The following CYP4F3 variants were observed in gnomAD, a reference collection of about 807,000 sequenced individuals.
The protein encoded by CYP4F3 is cytochrome P450 4F3.
CYP4F3 carries 50 observed loss-of-function variants against 54.8 expected under a neutral mutation model. That is an observed-to-expected ratio of 0.91 (90% CI 0.73 to 1.16). The LOEUF is 1.16. Ranked by LOEUF, CYP4F3 falls within the 50% of genes most tolerant of loss-of-function variation. The probability of loss-of-function intolerance (pLI) is 0.00; values close to 1 mark genes in which losing one functional copy is unlikely to be tolerated. For synonymous variants in CYP4F3, 244 were observed against 262.6 expected, an observed-to-expected ratio of 0.93 and a Z score of 0.69; for missense variants, 715 against 676.2, an observed-to-expected ratio of 1.06 and a Z score of -0.64.
chr19:15,646,980 G>C (rs1357530616), intron 3 of CYP4F3, 72 bp from the exon 4 acceptor site: 4 of 1,595,998 alleles, frequency 2.5e-6, no homozygotes, highest in Non-Finnish European at 3.4e-6. Flanking sequence ...CTCTTGCTGG[G>C]AGCCTCCCCC....
At position 15,650,029 on chromosome 19, in the gene CYP4F3, G is replaced by C. The variant is rs146695585; in HGVS notation, c.764G>C (p.Arg255Pro). The change falls in exon 7 of 13, where the codon CGT becomes CCT. Residue 255 changes from arginine (R) to proline (P), a missense_variant. Coordinates refer to ENST00000221307, the MANE Select transcript of CYP4F3 (RefSeq NM_000896.3). ...TATTATCTCACCCCTGATGGGCAGC[G>C]TTTCCGCAGGGCCTGCCGCCTGGTG... ...FLYYLTPDGQ[R>P]FRRACRLVHD... 6.2e-7 allele frequency: 1 copy of C among 1,614,188 alleles called. No individual in the cohort carries two copies. The highest frequency in any genetic ancestry group is 1.3e-5 in the African/African-American group (1 of 75,034).
At chr19:15,645,957 C>T in intron 3 of CYP4F3, 94 bp downstream of exon 3, 2 of 1,437,686 alleles carry the variant, frequency 1.4e-6, no homozygotes, top group African/African-American at 1.4e-5. Context: ...GGGTCGCGTG[C>T]CCATGTGCAG....
In CYP4F3 at chr19:15,653,585, G is replaced by A. The variant is rs114995138; in HGVS notation, c.1115+633G>A. ...CCCAGCCCACGTGGGCAGGGATGGG[G>A]TTTACAGTAAGGGAAGCAGGACTAG... On this transcript the variant is annotated intron_variant, in intron 9 of 12. Coordinates refer to ENST00000221307, the MANE Select transcript of CYP4F3 (RefSeq NM_000896.3). 4.6e-3 allele frequency among the ~76,000 whole-genome samples: 703 copies of A among 152,206 alleles called. 6 individuals are homozygous for A. The highest frequency in any genetic ancestry group is 0.016 in the African/African-American group (673 of 41,538).
Position 15,660,725 on chromosome 19 carries a change from T to TTA in CYP4F3, c.*1341_*1342insAT, listed in dbSNP as rs1238424267. On this transcript the variant is annotated 3_prime_UTR_variant, in exon 13 of 13. Coordinates refer to ENST00000221307, the MANE Select transcript of CYP4F3 (RefSeq NM_000896.3). The stretch of plus-strand genomic sequence containing the variant: ...ACTTTGACAGGGGTGCCTAATTTTT[T>TTA]TTTTTTTTTGAGATGGAGTCTCGCT... 6.6e-6 allele frequency: 1 copy of TTA among 151,974 alleles called. No homozygotes were observed. Among genetic ancestry groups the TTA allele is most frequent in the East Asian group, 1.9e-4 (1 of 5,180 alleles). 9.4% of individuals were successfully genotyped at this position (151,974 alleles called of 1,614,324 possible).
intron 9 of CYP4F3, among the ~76,000 whole-genome samples, chr19:15,657,520 C>T (rs1289977453): frequency 6.6e-6 from 1 of 152,178 alleles, no homozygotes; most frequent in East Asian, 1.9e-4. Context: ...AACTCCTAAC[C>T]TCAGGTGATC....
At chr19:15,652,467 G>C (rs894140945) in intron 7 of CYP4F3, 102 bp from the exon 8 acceptor site, 1 of 1,550,588 alleles carries the variant, frequency 6.4e-7, no homozygotes, top group Non-Finnish European at 8.8e-7. Flanking sequence ...TCTCGAAAGA[G>C]GATGAATCTT....
intron 2 of CYP4F3, 89 bp downstream of exon 2, chr19:15,641,702 C>A: frequency 3.7e-6 from 2 of 538,114 alleles, no homozygotes; most frequent in Middle Eastern, 3.2e-4. Flanking sequence ...AGGGGGTGGG[C>A]TGGGGTCTGG....
intron 7 of CYP4F3, among the ~76,000 whole-genome samples, chr19:15,650,866 C>CTTG (rs1972829892): frequency 2.1e-5 from 1 of 47,076 alleles, no homozygotes; most frequent in African/African-American, 8.3e-5. Context: ...TTCTTTCTTT[C>CTTG]TTTTTCTCTC....
Position 15,662,288 on chromosome 19 carries a change from A to AAAAAAAAAAAC in CYP4F3, c.*2907_*2908insAAAAAACAAAA. The stretch of plus-strand genomic sequence containing the variant: ...TCTCTCTCTCAAAAAAAAAAAAAAA[A>AAAAAAAAAAAC]AAAAGGAAAGAAAGAAAGAAAAGAA... On this transcript the variant is annotated 3_prime_UTR_variant, in exon 13 of 13. Transcript: ENST00000221307. The AAAAAAAAAAAC allele has an allele frequency of 6.7e-6, 1 of 149,378 alleles. No individual in the cohort carries two copies. Among genetic ancestry groups the AAAAAAAAAAAC allele is most frequent in the East Asian group, 1.9e-4 (1 of 5,184 alleles). The allele number at this position is 149,378 out of a possible 1,614,324, so 9.3% of individuals were successfully genotyped here.
rs552523828 is a variant in CYP4F3, at chr19:15,662,715, C to T, written c.*3330C>T. 1 of 152,228 alleles carries T rather than the reference C, an allele frequency of 6.6e-6. No individual in the cohort carries two copies. The highest frequency in any genetic ancestry group is 2.4e-5 in the African/African-American group (1 of 41,526). 9.4% of individuals were successfully genotyped at this position (152,228 alleles called of 1,614,324 possible). A position where few individuals can be genotyped will look rare whatever the true frequency, so the allele number is the denominator to read the frequency against. On this transcript the variant is annotated 3_prime_UTR_variant, in exon 13 of 13. Transcript: ENST00000221307. ...ATTTGTTTTCTTGAATTTCTTTTAT[C>T]ATTGTTTTGTAGTTTTCACCATGAC...
chr19:15,652,017 A>C (rs1222985327), intron 7 of CYP4F3, among the ~76,000 whole-genome samples: 1 of 152,062 alleles, frequency 6.6e-6, no homozygotes, highest in Non-Finnish European at 1.5e-5. Flanking sequence ...TTTGTACCCT[A>C]GGAAAGGCAC....
At chr19:15,657,795 T>C (rs1007252642) in intron 9 of CYP4F3, among the ~76,000 whole-genome samples, 94 of 152,330 alleles carry the variant, frequency 6.2e-4, no homozygotes, top group Middle Eastern at 3.4e-3. Flanking sequence ...ACTGGTATTC[T>C]TATTATTTTT....
intron 3 of CYP4F3, among the ~76,000 whole-genome samples, chr19:15,646,333 G>A (rs1972624111): frequency 6.6e-6 from 1 of 152,126 alleles, no homozygotes; most frequent in African/African-American, 2.4e-5. Context: ...GGCCATGTTT[G>A]GGGGTTGTGT....
At chr19:15,643,290 T>C (rs1972519971) in intron 2 of CYP4F3, among the ~76,000 whole-genome samples, 1 of 151,702 alleles carries the variant, frequency 6.6e-6, no homozygotes, top group African/African-American at 2.4e-5. Flanking sequence ...GATAGATACA[T>C]AGAAACATAG....
chr19:15,658,562 G>GC lies in CYP4F3; in HGVS notation c.1314+13dup, dbSNP rs765067863. ...CGTGTGGCCGGACCCTGAGGTGCGG[G>GC]CCCCCCGTCTCTGTTTTTGTCCATT... On this transcript the variant is annotated splice_region_variant and intron_variant, in intron 11 of 12. Transcript: ENST00000221307. 9 of 1,613,946 alleles carry GC rather than the reference G, an allele frequency of 5.6e-6. No individual in the cohort carries two copies. The highest frequency in any genetic ancestry group is 2.2e-5 in the East Asian group (1 of 44,854).
chr19:15,647,255 G>C lies in CYP4F3; in HGVS notation c.456G>C (p.Thr152=), dbSNP rs138865516. 25 of 1,614,198 alleles carry C rather than the reference G, an allele frequency of 1.5e-5. No homozygotes were observed. In the South Asian group the frequency reaches 2.7e-4, roughly 18 times the overall value. ...EKWSRHRRML[T]PAFHFNILKP... is the part of the protein sequence containing the mutation. ...GGAGCCGCCACCGTCGGATGCTGACGCCTGCCTTCCATTTCAACATCCTGA... is the reference window on the plus strand; with the variant it reads ...GGAGCCGCCACCGTCGGATGCTGACCCCTGCCTTCCATTTCAACATCCTGA... Residue 152 remains threonine (T), a synonymous_variant, in exon 5 of 13, where the codon ACG becomes ACC. Transcript: ENST00000221307.
intron 2 of CYP4F3, among the ~76,000 whole-genome samples, chr19:15,642,285 G>A (rs1223531303): frequency 6.6e-6 from 1 of 152,226 alleles, no homozygotes; most frequent in East Asian, 1.9e-4. Context: ...GTCCACAGGT[G>A]AAGTGGGAGG....
rs763337637 is a variant in CYP4F3, at chr19:15,647,205, C to T, written c.406C>T (p.Leu136Phe). 3 of 1,614,240 alleles carry T rather than the reference C, an allele frequency of 1.9e-6. No homozygotes were observed. The highest frequency in any genetic ancestry group is 2.2e-5 in the East Asian group (1 of 44,880). Reference protein sequence around the residue: ...SFLKPWLGDGLLLSAGEKWSR... With the variant: ...SFLKPWLGDGFLLSAGEKWSR... ...CTTGGCTGCCCTGCCAGGGGATGGG[C>T]TCCTGCTGAGTGCTGGTGAAAAGTG... Residue 136 changes from leucine to phenylalanine, a missense_variant, in exon 5 of 13, where the codon CTC (leucine) becomes TTC (phenylalanine). Transcript: ENST00000221307.
At chr19:15,644,049 C>G in intron 2 of CYP4F3, 1 of 1,580,720 alleles carries the variant, frequency 6.3e-7, no homozygotes, top group African/African-American at 1.4e-5. Context: ...ATCAACGCCT[C>G]AGGTACCACC....
Sources: gnomAD v4.1 joint callset for allele counts (sites outside exome capture counted in the v4.1 genomes callset) on GRCh38, gnomAD v4.1.1 for gene constraint, MANE v1.5 for transcripts, NCBI Gene and HGNC (gene_info 2026-07-23, HGNC 2026-07-21) for gene names.